PKHD1: variants seen among roughly 807,000 people sequenced by gnomAD.
PKHD1 encodes the protein fibrocystin.
A neutral mutation model predicts 412.0 loss-of-function variants in PKHD1; 291 were observed. That is an observed-to-expected ratio of 0.71 (90% confidence interval 0.64 to 0.78). The LOEUF (loss-of-function observed/expected upper bound fraction) is 0.78. PKHD1 is among the 30% of genes least tolerant of loss of function. PKHD1 has a pLI of 0.00. For missense variants in PKHD1, 4,825 were observed against 4,950.7 expected (o/e 0.97, Z 0.76); for synonymous variants, 1,777 against 1,821.5 (o/e 0.98, Z 0.62).
intron 61 of PKHD1, among the ~76,000 whole-genome samples, chr6:51,652,031 T>C (rs1309607812): frequency 6.6e-6 from 1 of 152,160 alleles, no homozygotes; most frequent in African/African-American, 2.4e-5. Context: ...GTCATTGTGC[T>C]GTCGTTATCC....
intron 39 of PKHD1, 54 bp from the exon 40 acceptor site, chr6:51,909,528 G>T: frequency 7.3e-7 from 1 of 1,367,772 alleles, no homozygotes; most frequent in Non-Finnish European, 1.0e-6. Context: ...CATGCTTCCA[G>T]ACAAATCTCC....
At chr6:52,032,354 G>A (rs1803193468) in intron 29 of PKHD1, among the ~76,000 whole-genome samples, 1 of 152,066 alleles carries the variant, frequency 6.6e-6, no homozygotes, top group Admixed American at 6.5e-5. Context: ...GGAATTACAT[G>A]ATAATAAATT....
intron 52 of PKHD1, among the ~76,000 whole-genome samples, chr6:51,798,693 C>A (rs1305428295): frequency 6.6e-6 from 1 of 152,124 alleles, no homozygotes; most frequent in East Asian, 1.9e-4. Context: ...GGGAAGTTTT[C>A]CTGGACGATA....
Position 51,950,220 on chromosome 6 carries a change from A to AAAAAATATATATATATATATAT in PKHD1, c.5908+9649_5908+9650insATATATATATATATATATTTTT. On this transcript the variant is annotated intron_variant, in intron 36 of 66. Coordinates refer to ENST00000371117, the MANE Select transcript of PKHD1 (RefSeq NM_138694.4). ...AATGGGCAATATAGAGAAAAAAAAA[A>AAAAAATATATATATATATATAT]ATATATATATATATATATATGAAAT... Among the ~76,000 whole-genome samples, 206 of 98,228 alleles carry AAAAAATATATATATATATATAT rather than the reference A, an allele frequency of 2.1e-3. 2 individuals carry two copies. Among genetic ancestry groups the AAAAAATATATATATATATATAT allele is most frequent in the South Asian group, 5.0e-3 (12 of 2,418 alleles). 64.4% of individuals were successfully genotyped at this position (98,228 alleles called of 152,430 possible).
intron 31 of PKHD1, among the ~76,000 whole-genome samples, chr6:52,027,147 T>C (rs1191144185): frequency 6.6e-6 from 1 of 152,234 alleles, no homozygotes; most frequent in Non-Finnish European, 1.5e-5. Context: ...AGCATCTAAA[T>C]GGCGAATGCA....
At position 51,748,334 on chromosome 6, in the gene PKHD1, G is replaced by A. The variant is rs113402912; in HGVS notation, c.9282C>T (p.Asn3094=). 2.0e-5 allele frequency: 33 copies of A among 1,614,016 alleles called. No individual in the cohort carries two copies. The highest frequency in any genetic ancestry group is 1.6e-4 in the Middle Eastern group (1 of 6,062). ...CAAGTCTCTCTGATCCTGCCACAACGTTGCCATGGAGGTTGATGTCCTTTA... is the reference window on the plus strand; with the variant it reads ...CAAGTCTCTCTGATCCTGCCACAACATTGCCATGGAGGTTGATGTCCTTTA... ...NQVKDINLHG[N]VVAGSERLGF... Residue 3094 remains asparagine, a synonymous_variant, in exon 58 of 67, where the codon AAC becomes AAT. Coordinates refer to ENST00000371117, the MANE Select transcript of PKHD1 (RefSeq NM_138694.4).
intron 46 of PKHD1, among the ~76,000 whole-genome samples, chr6:51,872,588 T>C (rs1350690483): frequency 1.3e-5 from 2 of 152,122 alleles, no homozygotes; most frequent in East Asian, 3.9e-4. Flanking sequence ...TTTGTACTTT[T>C]AGTAGAGACA....
In PKHD1 at chr6:52,071,083, CA is replaced by C; in HGVS notation, c.603-14del. On this transcript the variant is annotated splice_polypyrimidine_tract_variant and intron_variant, in intron 8 of 66. Transcript: ENST00000371117. ...CTGAATAGGATAACTAAGGAAAAGACAAACTGAGGTAAGAATGACCAGACAA... is the reference window on the plus strand; with the variant it reads ...CTGAATAGGATAACTAAGGAAAAGACAACTGAGGTAAGAATGACCAGACAA... The C allele has an allele frequency of 6.4e-7, 1 of 1,560,296 alleles. No individual in the cohort carries two copies. The highest frequency in any genetic ancestry group is 8.8e-7 in the Non-Finnish European group (1 of 1,131,108).
intron 60 of PKHD1, among the ~76,000 whole-genome samples, chr6:51,715,952 T>C (rs1302478342): frequency 6.6e-6 from 1 of 152,206 alleles, no homozygotes; most frequent in Non-Finnish European, 1.5e-5. Flanking sequence ...GTCCAAACTG[T>C]CTTCAGAAGT....
chr6:51,977,774 T>A (rs1215544590), intron 35 of PKHD1, among the ~76,000 whole-genome samples: 2 of 152,112 alleles, frequency 1.3e-5, no homozygotes, highest in African/African-American at 2.4e-5. Flanking sequence ...ACCTGGAAAG[T>A]CTAAAGACAA....
chr6:51,945,587 A>G (rs1466259374), intron 36 of PKHD1, among the ~76,000 whole-genome samples: 1 of 152,172 alleles, frequency 6.6e-6, no homozygotes, highest in Non-Finnish European at 1.5e-5. Context: ...TAATCACTGA[A>G]TTTTTTCTTA....
intron 66 of PKHD1, among the ~76,000 whole-genome samples, chr6:51,625,957 AC>A (rs1363229064): frequency 6.6e-6 from 1 of 152,012 alleles, no homozygotes; most frequent in African/African-American, 2.4e-5. Flanking sequence ...ACACCCCCAT[AC>A]CCTCTACCAC....
At chr6:51,800,802 C>G (rs1562339700) in intron 52 of PKHD1, among the ~76,000 whole-genome samples, 1 of 152,192 alleles carries the variant, frequency 6.6e-6, no homozygotes. Context: ...GTTTCTATTA[C>G]AACCCTGCTA....
chr6:51,976,096 C>A (rs2128005689), intron 35 of PKHD1: 1 of 149,786 alleles, frequency 6.7e-6, no homozygotes, highest in Non-Finnish European at 1.5e-5. Context: ...AACAGTAGGA[C>A]AATTCCTCAA....
chr6:51,993,843 A>G (rs973272743), intron 35 of PKHD1, among the ~76,000 whole-genome samples: 1 of 152,242 alleles, frequency 6.6e-6, no homozygotes, highest in Admixed American at 6.5e-5. Flanking sequence ...TAGACTGAAA[A>G]GAAACCTTCA....
intron 33 of PKHD1, 85 bp downstream of exon 33, chr6:52,022,716 C>T (rs1801574006): frequency 1.9e-5 from 26 of 1,362,908 alleles, no homozygotes; most frequent in Non-Finnish European, 2.5e-5. Context: ...GTCAGTACAG[C>T]ATTAATCACA....
At chr6:51,709,521 A>G (rs1397900856) in intron 60 of PKHD1, among the ~76,000 whole-genome samples, 2 of 152,238 alleles carry the variant, frequency 1.3e-5, no homozygotes, top group Admixed American at 1.3e-4. Flanking sequence ...AAGATTTTCT[A>G]GAGACCATTG....
At chr6:51,981,405 G>A (rs1795234990) in intron 35 of PKHD1, among the ~76,000 whole-genome samples, 1 of 132,966 alleles carries the variant, frequency 7.5e-6, no homozygotes, top group African/African-American at 2.9e-5. Context: ...AGCCAAGGCT[G>A]GACGGTGCTG....
At chr6:52,033,213 G>A in intron 28 of PKHD1, 48 bp from the exon 29 acceptor site, 2 of 1,463,030 alleles carry the variant, frequency 1.4e-6, no homozygotes, top group Non-Finnish European at 1.9e-6. Flanking sequence ...TTTTAAAGTA[G>A]GACTGACTTA....
Sources: gnomAD v4.1 joint callset for allele counts (sites outside exome capture counted in the v4.1 genomes callset) on GRCh38, gnomAD v4.1.1 for gene constraint, MANE v1.5 for transcripts, NCBI Gene and HGNC (gene_info 2026-07-23, HGNC 2026-07-21) for gene names.